The following ERAP1 variants were observed in gnomAD, a reference collection of about 807,000 sequenced individuals.
The protein encoded by ERAP1 is endoplasmic reticulum aminopeptidase 1.
ERAP1 carries 86 observed loss-of-function variants against 103.7 expected under a neutral mutation model. The observed-to-expected ratio is 0.83, with a 90% CI of 0.70 to 0.99. The LOEUF is 0.99. Among genes scored for constraint, ERAP1 ranks in the 50% least tolerant of loss-of-function variants. ERAP1 has a pLI of 0.00. For synonymous variants in ERAP1, 398 were observed against 402.4 expected, an observed-to-expected ratio of 0.99 and a Z score of 0.13; for missense variants, 1,009 against 1,128.4, an observed-to-expected ratio of 0.89 and a Z score of 1.52.
At chr5:96,842,891 C>T in the ERAP1 span, among the ~76,000 whole-genome samples, 1 of 152,040 alleles carries the variant, frequency 6.6e-6, no homozygotes. Flanking sequence ...CCACTGTTAT[C>T]TTCTAGAAAT....
the ERAP1 span, among the ~76,000 whole-genome samples, chr5:96,886,309 T>C: frequency 9.9e-5 from 15 of 152,260 alleles, no homozygotes; most frequent in Non-Finnish European, 1.8e-4. Context: ...GTATTTTACT[T>C]AAAAGCACAG....
chr5:96,880,103 T>G, the ERAP1 span: 1 of 1,614,158 alleles, frequency 6.2e-7, no homozygotes, highest in Non-Finnish European at 8.5e-7. Context: ...ACTGAAAGTT[T>G]TGAGTTACCC....
chr5:96,877,611 A>G, the ERAP1 span, among the ~76,000 whole-genome samples: 30 of 152,380 alleles, frequency 2.0e-4, no homozygotes, highest in South Asian at 1.2e-3. Flanking sequence ...TGGTTGAGAT[A>G]AATGAAGCTC....
At chr5:96,926,522 G>T in the ERAP1 span, among the ~76,000 whole-genome samples, 1 of 152,110 alleles carries the variant, frequency 6.6e-6, no homozygotes, top group African/African-American at 2.4e-5. Flanking sequence ...CTATAGATTT[G>T]CCTAGTCTGG....
At chr5:96,776,660 GA>G (rs1774358324) in intron 18 of ERAP1, 109 bp from the exon 19 acceptor site, 18 of 1,479,420 alleles carry the variant, frequency 1.2e-5, no homozygotes, top group Non-Finnish European at 1.4e-5. Flanking sequence ...ATTCTATATA[GA>G]AGGCAGTCCC....
chr5:96,807,813 C>G, intron 1 of ERAP1, 47 bp downstream of exon 1: 1 of 984,364 alleles, frequency 1.0e-6, no homozygotes, highest in Non-Finnish European at 1.2e-6. Flanking sequence ...GTGCCGCGCT[C>G]TCCTCCCGGC....
intron 4 of ERAP1, 83 bp downstream of exon 4, chr5:96,797,092 G>A (rs998509): frequency 0.13 from 202,321 of 1,553,910 alleles, 13,798 homozygotes; most frequent in Middle Eastern, 0.19. Flanking sequence ...GACCCACTGC[G>A]CTCAGGCAGA....
At chr5:96,837,406 G>T in the ERAP1 span, among the ~76,000 whole-genome samples, 5 of 152,156 alleles carry the variant, frequency 3.3e-5, no homozygotes, top group Admixed American at 1.3e-4. Context: ...AAATTTCCCC[G>T]ACCCCTTCGT....
intron 4 of ERAP1, among the ~76,000 whole-genome samples, 177 bp downstream of exon 4, chr5:96,796,998 A>G (rs906883816): frequency 1.3e-5 from 2 of 152,162 alleles, no homozygotes; most frequent in African/African-American, 4.8e-5. Context: ...TATTTTGTCC[A>G]GGCTGGTCTC....
chr5:96,851,171 C>T, the ERAP1 span, among the ~76,000 whole-genome samples: 1 of 152,152 alleles, frequency 6.6e-6, no homozygotes, highest in Non-Finnish European at 1.5e-5. Context: ...ATTAGTGCTT[C>T]ATAGTAATTA....
At chr5:96,828,874 G>T in the ERAP1 span, among the ~76,000 whole-genome samples, 1 of 152,024 alleles carries the variant, frequency 6.6e-6, no homozygotes, top group Non-Finnish European at 1.5e-5. Flanking sequence ...TTGAGATGGG[G>T]TGTCACTCTG....
intron 19 of ERAP1, among the ~76,000 whole-genome samples, chr5:96,767,708 T>TA (rs1491260325): frequency 6.6e-6 from 1 of 152,232 alleles, no homozygotes; most frequent in Admixed American, 6.5e-5. Context: ...CAACGTGTAT[T>TA]AAAGAGTAGA....
rs1471834168 is a variant in ERAP1 at position 96,799,823 on chromosome 5, G to A, written c.663+1039C>T. 3.9e-5 allele frequency among the ~76,000 whole-genome samples: 6 copies of A among 152,188 alleles called. No homozygotes were observed. In the East Asian group the frequency reaches 1.2e-3, roughly 29 times the overall value. ...GTGGGAGTGGGGACAGAAGTTCTTG[G>A]CTGGTAGGAATTTGCAGAAGAGTGA... On this transcript the variant is annotated intron_variant, in intron 3 of 18. Coordinates refer to ENST00000443439, the MANE Select transcript of ERAP1 (RefSeq NM_001040458.3).
chr5:96,881,374 CA>C, the ERAP1 span: 1 of 455,018 alleles, frequency 2.2e-6, no homozygotes, highest in Non-Finnish European at 4.4e-6. Context: ...GGCAAAACAA[CA>C]GAGATTGCTG....
At chr5:96,887,117 A>G in the ERAP1 span, among the ~76,000 whole-genome samples, 1 of 149,614 alleles carries the variant, frequency 6.7e-6, no homozygotes. Context: ...ACACACACAC[A>G]CACACACACA....
At position 96,788,689 on chromosome 5, in the gene ERAP1, G is replaced by A; in HGVS notation, c.1525-4C>T. The A allele has an allele frequency of 6.2e-7, 1 of 1,613,670 alleles. No individual in the cohort carries two copies. Among genetic ancestry groups the A allele is most frequent in the East Asian group, 2.2e-5 (1 of 44,884 alleles). Reference sequence around the variant, plus strand: ...CCACCCCTTCCTGATGCCAATGCTGGTGTGTACACAAAAAGGCAGACACAT... The same window carrying A: ...CCACCCCTTCCTGATGCCAATGCTGATGTGTACACAAAAAGGCAGACACAT... On this transcript the variant is annotated splice_polypyrimidine_tract_variant and splice_region_variant and intron_variant, in intron 10 of 18. Coordinates refer to ENST00000443439, the MANE Select transcript of ERAP1 (RefSeq NM_001040458.3).
rs1409436474 is a variant in ERAP1 at position 96,793,278 on chromosome 5, CAAGG to C, written c.1188+118_1188+121del. The C allele has an allele frequency of 1.5e-5, 12 of 800,340 alleles. No individual in the cohort carries two copies. The Admixed American group carries it at 1.6e-4, about 11-fold the overall frequency. 49.6% of individuals were successfully genotyped at this position (800,340 alleles called of 1,614,324 possible). ...GCAACACGATTCATATCTAAACTGT[CAAGG>C]AAGTTATCAGTGAAATATTTTTATA... is the stretch of plus-strand genomic sequence containing the variant. On this transcript the variant is annotated intron_variant, in intron 7 of 18. Coordinates refer to ENST00000443439, the MANE Select transcript of ERAP1 (RefSeq NM_001040458.3).
At chr5:96,825,795 C>CT in the ERAP1 span, among the ~76,000 whole-genome samples, 1 of 152,056 alleles carries the variant, frequency 6.6e-6, no homozygotes, top group South Asian at 2.1e-4. Flanking sequence ...TTATATACCA[C>CT]TGTATAAGAA....
At chr5:96,875,152 A>T in the ERAP1 span, among the ~76,000 whole-genome samples, 2 of 152,188 alleles carry the variant, frequency 1.3e-5, no homozygotes, top group Non-Finnish European at 2.9e-5. Context: ...GGAAGACATG[A>T]TTGAAGGCCA....
Sources: gnomAD v4.1 joint callset for allele counts (sites outside exome capture counted in the v4.1 genomes callset) on GRCh38, gnomAD v4.1.1 for gene constraint, MANE v1.5 for transcripts, NCBI Gene and HGNC (gene_info 2026-07-23, HGNC 2026-07-21) for gene names.